SFT2D1: variants seen among roughly 807,000 people sequenced by gnomAD.
The protein encoded by SFT2D1 is vesicle transport protein SFT2A.
In SFT2D1, 24 loss-of-function variants were observed where a neutral mutation model predicts 28.1. The observed-to-expected ratio is 0.85, with a 90% CI of 0.62 to 1.20. SFT2D1 has a LOEUF of 1.20. Ranked by LOEUF, SFT2D1 falls within the 50% of genes most tolerant of loss-of-function variation. The pLI, the probability that SFT2D1 is intolerant of heterozygous loss-of-function variation, is 0.00. For synonymous variants in SFT2D1, 82 were observed against 73.7 expected (o/e 1.11, Z -0.58); for missense variants, 181 against 190.9 (o/e 0.95, Z 0.31).
At chr6:166,333,119 G>A (rs1307174703) in intron 1 of SFT2D1, among the ~76,000 whole-genome samples, 1 of 152,210 alleles carries the variant, frequency 6.6e-6, no homozygotes. Context: ...AAATAGCAGT[G>A]GGTATAAAAA....
At chr6:166,324,846 C>A (rs567367298) in intron 5 of SFT2D1, among the ~76,000 whole-genome samples, 24 of 152,172 alleles carry the variant, frequency 1.6e-4, no homozygotes, top group African/African-American at 5.5e-4. Context: ...GTTACTGAAA[C>A]AATTGTGCAT....
intron 1 of SFT2D1, among the ~76,000 whole-genome samples, chr6:166,333,842 C>T (rs986412967): frequency 3.3e-5 from 5 of 152,186 alleles, no homozygotes; most frequent in Non-Finnish European, 5.9e-5. Flanking sequence ...ACAACTTCCC[C>T]TACTTCACAC....
Position 166,324,298 on chromosome 6 carries a change from C to G in SFT2D1, c.410+239G>C, listed in dbSNP as rs1778404944. 1.2e-5 allele frequency: 5 copies of G among 404,730 alleles called. No homozygotes were observed. In the South Asian group the frequency reaches 4.2e-4, roughly 34 times the overall value. The allele number at this position is 404,730 out of a possible 1,614,324, so 25.1% of individuals were successfully genotyped here. On this transcript the variant is annotated intron_variant, in intron 6 of 7. Coordinates refer to ENST00000361731, the MANE Select transcript of SFT2D1 (RefSeq NM_145169.3). ...TTCTCTTTCTCACATTAGAAAAAAG[C>G]AGAACATATCACTATGTAACTCTAC... is the stretch of plus-strand genomic sequence containing the variant.
At chr6:166,327,913 T>C (rs529231950) in intron 4 of SFT2D1, among the ~76,000 whole-genome samples, 22 of 152,292 alleles carry the variant, frequency 1.4e-4, no homozygotes, top group Non-Finnish European at 2.9e-4. Flanking sequence ...TGATTCTGTC[T>C]CAGCCTCCCA....
chr6:166,323,821 T>C (rs1016733646), intron 6 of SFT2D1: 2 of 152,202 alleles, frequency 1.3e-5, no homozygotes, highest in Admixed American at 6.5e-5. Context: ...CAACCAAATC[T>C]GAGCATCATG....
chr6:166,335,132 C>T, intron 1 of SFT2D1: 1 of 600,908 alleles, frequency 1.7e-6, no homozygotes, highest in Non-Finnish European at 3.2e-6. Flanking sequence ...CAAGAGATGG[C>T]TAGTGCTTTA....
chr6:166,334,733 C>A, intron 1 of SFT2D1: 1 of 337,830 alleles, frequency 3.0e-6, no homozygotes, highest in South Asian at 2.9e-5. Context: ...TCATGAGATC[C>A]AAGCACCAAG....
rs975929404 is a variant in SFT2D1, at chr6:166,328,261, G to A, written c.315+15C>T. On this transcript the variant is annotated intron_variant, in intron 4 of 7. Coordinates refer to ENST00000361731, the MANE Select transcript of SFT2D1 (RefSeq NM_145169.3). The stretch of plus-strand genomic sequence containing the variant: ...ATACTTCAATAAAAGTTTTAAAAAT[G>A]TATTATTTACTTACAAGCATAACAA... The A allele has an allele frequency of 2.0e-5, 31 of 1,535,144 alleles. No individual in the cohort carries two copies. Among genetic ancestry groups the A allele is most frequent in the Non-Finnish European group, 2.7e-5 (30 of 1,131,502 alleles).
At chr6:166,324,664 A>C (rs1778412588) in intron 5 of SFT2D1, 69 bp from the exon 6 acceptor site, 4 of 1,418,848 alleles carry the variant, frequency 2.8e-6, no homozygotes, top group Non-Finnish European at 3.9e-6. Flanking sequence ...AATCAAACTT[A>C]ATTCTTGTCT....
intron 1 of SFT2D1, among the ~76,000 whole-genome samples, chr6:166,339,904 G>A (rs77390192): frequency 0.021 from 3,268 of 152,224 alleles, 119 homozygotes; most frequent in African/African-American, 0.074. Context: ...ACAGTGTTAC[G>A]TCCAACTGCT....
intron 4 of SFT2D1, among the ~76,000 whole-genome samples, chr6:166,327,182 T>C (rs1033088231): frequency 6.6e-6 from 1 of 152,222 alleles, no homozygotes; most frequent in Non-Finnish European, 1.5e-5. Flanking sequence ...CTAATGTTAA[T>C]AGTTATAATG....
intron 4 of SFT2D1, among the ~76,000 whole-genome samples, chr6:166,327,757 T>TA (rs1778474858): frequency 6.6e-6 from 1 of 152,200 alleles, no homozygotes; most frequent in African/African-American, 2.4e-5. Context: ...CCAGTAGTCT[T>TA]AGACAATACT....
chr6:166,342,200 CG>C (rs397698776), intron 1 of SFT2D1, among the ~76,000 whole-genome samples: 47 of 150,878 alleles, frequency 3.1e-4, no homozygotes, highest in Non-Finnish European at 5.0e-4. Flanking sequence ...ATGGGAGAGT[CG>C]GGGGGGGGCC....
chr6:166,341,588 CTGAG>C (rs530423039), intron 1 of SFT2D1, among the ~76,000 whole-genome samples: 340 of 152,192 alleles, frequency 2.2e-3, no homozygotes, highest in African/African-American at 7.4e-3. Flanking sequence ...ACACCAAGTG[CTGAG>C]TAAGTATAAT....
At chr6:166,336,845 T>C (rs1263612923) in intron 1 of SFT2D1, among the ~76,000 whole-genome samples, 2 of 152,200 alleles carry the variant, frequency 1.3e-5, no homozygotes, top group African/African-American at 4.8e-5. Context: ...GCTGGGATTA[T>C]AGGCATGAGC....
chr6:166,325,451 G>T (rs761008760), intron 5 of SFT2D1, among the ~76,000 whole-genome samples: 1 of 152,212 alleles, frequency 6.6e-6, no homozygotes, highest in African/African-American at 2.4e-5. Flanking sequence ...AAACGGAATT[G>T]TAACAATGTG....
intron 1 of SFT2D1, among the ~76,000 whole-genome samples, chr6:166,338,950 T>G (rs1049583133): frequency 6.6e-6 from 1 of 152,116 alleles, no homozygotes; most frequent in African/African-American, 2.4e-5. Flanking sequence ...GATGCTCCCC[T>G]ATGACCTTCA....
chr6:166,339,276 G>A (rs1778725154), intron 1 of SFT2D1, among the ~76,000 whole-genome samples: 1 of 152,040 alleles, frequency 6.6e-6, no homozygotes, highest in African/African-American at 2.4e-5. Flanking sequence ...AGTGAGCTAG[G>A]TGTCTGCCCT....
chr6:166,328,526 A>C (rs1778493843), intron 3 of SFT2D1, among the ~76,000 whole-genome samples, 169 bp from the exon 4 acceptor site: 1 of 152,212 alleles, frequency 6.6e-6, no homozygotes, highest in Non-Finnish European at 1.5e-5. Flanking sequence ...AACTATACCA[A>C]TAGACATGCT....
Sources: gnomAD v4.1 joint callset for allele counts (sites outside exome capture counted in the v4.1 genomes callset) on GRCh38, gnomAD v4.1.1 for gene constraint, MANE v1.5 for transcripts, NCBI Gene and HGNC (gene_info 2026-07-23, HGNC 2026-07-21) for gene names.